BMP5: variants seen among roughly 807,000 people sequenced by gnomAD.
BMP5 encodes the protein bone morphogenetic protein 5.
Under a neutral mutation model 46.6 loss-of-function variants are expected in BMP5, and 23 were observed. That is an observed-to-expected ratio of 0.49 (90% CI 0.35 to 0.70). The LOEUF (loss-of-function observed/expected upper bound fraction) is 0.70. Ranked by LOEUF, BMP5 falls within the 30% of genes least tolerant of loss-of-function variation. The pLI is 0.00. For synonymous variants in BMP5, 204 were observed against 191.9 expected, an observed-to-expected ratio of 1.06 and a Z score of -0.52; for missense variants, 545 against 565.6, an observed-to-expected ratio of 0.96 and a Z score of 0.37.
intron 3 of BMP5, among the ~76,000 whole-genome samples, chr6:55,790,811 T>C (rs1404624605): frequency 6.6e-6 from 1 of 152,214 alleles, no homozygotes; most frequent in Non-Finnish European, 1.5e-5. Context: ...CATGGCTCTT[T>C]TGGCTCCATC....
intron 5 of BMP5, 27 bp from the exon 6 acceptor site, chr6:55,759,142 CACAAAAAAAAAAAAAAAA>C (rs1774692157): frequency 5.9e-5 from 7 of 119,560 alleles, no homozygotes; most frequent in Non-Finnish European, 8.4e-5. Context: ...CACACACACA[CACAAAAAAAAAAAAAAAA>C]AAAAAAAAAA....
intron 3 of BMP5, among the ~76,000 whole-genome samples, chr6:55,775,848 G>A (rs1266224065): frequency 3.3e-5 from 5 of 151,544 alleles, no homozygotes; most frequent in African/African-American, 4.8e-5. Flanking sequence ...AAATGAGACC[G>A]TGTCGTATAA....
Position 55,808,655 on chromosome 6 carries a change from G to A in BMP5, c.683+11000C>T, listed in dbSNP as rs564477184. Among the ~76,000 whole-genome samples, 24 of 152,302 alleles carry A rather than the reference G, an allele frequency of 1.6e-4. No individual in the cohort carries two copies. The South Asian group carries it at 2.7e-3, about 17-fold the overall frequency. On this transcript the variant is annotated intron_variant, in intron 2 of 6. Coordinates refer to ENST00000370830, the MANE Select transcript of BMP5 (RefSeq NM_021073.4). ...TGGGCTGCACAGTTCCATGGAAAAA[G>A]CATGTTTTCCCAGGTTGGATAGCAT...
chr6:55,807,680 G>A (rs1582081428), intron 2 of BMP5, among the ~76,000 whole-genome samples: 1 of 151,992 alleles, frequency 6.6e-6, no homozygotes, highest in Non-Finnish European at 1.5e-5. Context: ...GCTGTTAATC[G>A]ATCTGGTCCT....
At chr6:55,781,105 T>C (rs1775305366) in intron 3 of BMP5, among the ~76,000 whole-genome samples, 2 of 152,150 alleles carry the variant, frequency 1.3e-5, no homozygotes, top group South Asian at 2.1e-4. Context: ...TCTTTATATA[T>C]AGCACCTTTC....
chr6:55,811,248 A>G (rs1776127965), intron 2 of BMP5, among the ~76,000 whole-genome samples: 1 of 152,176 alleles, frequency 6.6e-6, no homozygotes, highest in Non-Finnish European at 1.5e-5. Context: ...GTGAACTGGA[A>G]TGATGACAGC....
At chr6:55,792,535 C>CAAAAA (rs78969394) in intron 3 of BMP5, among the ~76,000 whole-genome samples, 1 of 74,670 alleles carries the variant, frequency 1.3e-5, no homozygotes, top group Non-Finnish European at 2.8e-5. Flanking sequence ...GACTCCGTCT[C>CAAAAA]AAAAAAAAAA....
At chr6:55,853,147 TAAAA>T (rs1777289561) in intron 1 of BMP5, among the ~76,000 whole-genome samples, 3 of 13,114 alleles carry the variant, frequency 2.3e-4, no homozygotes, top group African/African-American at 1.8e-3. Context: ...ATAAATAAAA[TAAAA>T]TAAAATAAAA....
At chr6:55,830,567 T>C (rs2127542062) in intron 1 of BMP5, among the ~76,000 whole-genome samples, 1 of 152,202 alleles carries the variant, frequency 6.6e-6, no homozygotes, top group Middle Eastern at 3.4e-3. Context: ...TGTTAGACCA[T>C]CTTATTTTAG....
chr6:55,795,108 T>G (rs1775675241), intron 2 of BMP5, among the ~76,000 whole-genome samples: 1 of 152,174 alleles, frequency 6.6e-6, no homozygotes, highest in East Asian at 1.9e-4. Flanking sequence ...ACAGTGTTAC[T>G]GTTATTAACG....
intron 6 of BMP5, among the ~76,000 whole-genome samples, chr6:55,756,314 C>T (rs75587560): frequency 0.01 from 1,522 of 151,872 alleles, 28 homozygotes; most frequent in African/African-American, 0.035. Flanking sequence ...CTTGCCTGCC[C>T]CCTAGACAAG....
chr6:55,840,255 T>A (rs1776917060), intron 1 of BMP5, among the ~76,000 whole-genome samples: 1 of 152,144 alleles, frequency 6.6e-6, no homozygotes, highest in Non-Finnish European at 1.5e-5. Context: ...TTTTCTTTTA[T>A]TAATTGTGTA....
intron 6 of BMP5, among the ~76,000 whole-genome samples, chr6:55,755,889 A>G (rs531639590): frequency 5.9e-5 from 9 of 152,064 alleles, no homozygotes; most frequent in South Asian, 2.1e-4. Flanking sequence ...CAATTCAATT[A>G]TGTGTTTGAA....
chr6:55,820,581 C>A (rs1043026507), intron 1 of BMP5, among the ~76,000 whole-genome samples: 1 of 151,968 alleles, frequency 6.6e-6, no homozygotes, highest in Non-Finnish European at 1.5e-5. Flanking sequence ...CCACACCCAG[C>A]CAATTTTTTT....
chr6:55,762,287 C>A (rs1774805942), intron 4 of BMP5, among the ~76,000 whole-genome samples: 1 of 151,978 alleles, frequency 6.6e-6, no homozygotes, highest in Admixed American at 6.6e-5. Context: ...GTTAAAGTGT[C>A]ACCTTCCTGT....
intron 1 of BMP5, among the ~76,000 whole-genome samples, chr6:55,828,528 CCA>C (rs1160220072): frequency 6.6e-6 from 1 of 151,710 alleles, no homozygotes; most frequent in Non-Finnish European, 1.5e-5. Context: ...CAAAGTGAAG[CCA>C]CTCACCCTAA....
At chr6:55,784,833 C>T (rs1228494774) in intron 3 of BMP5, among the ~76,000 whole-genome samples, 5 of 151,744 alleles carry the variant, frequency 3.3e-5, no homozygotes, top group African/African-American at 1.2e-4. Context: ...TATAACAATA[C>T]AATTATTTTT....
At chr6:55,815,544 T>C (rs559106110) in intron 2 of BMP5, among the ~76,000 whole-genome samples, 10 of 152,200 alleles carry the variant, frequency 6.6e-5, no homozygotes, top group Middle Eastern at 3.4e-3. Context: ...AATCTGAGAG[T>C]AGATTTAAAC....
At chr6:55,823,481 G>C (rs1205021608) in intron 1 of BMP5, among the ~76,000 whole-genome samples, 1 of 151,844 alleles carries the variant, frequency 6.6e-6, no homozygotes, top group African/African-American at 2.4e-5. Flanking sequence ...CATTTGTGTG[G>C]TACATATTTC....
Sources: gnomAD v4.1 joint callset for allele counts (sites outside exome capture counted in the v4.1 genomes callset) on GRCh38, gnomAD v4.1.1 for gene constraint, MANE v1.5 for transcripts, NCBI Gene and HGNC (gene_info 2026-07-23, HGNC 2026-07-21) for gene names.